The following CDC42BPB variants were observed in gnomAD, a reference collection of about 807,000 sequenced individuals.
The protein encoded by CDC42BPB is serine/threonine-protein kinase MRCK beta.
A neutral mutation model predicts 214.9 loss-of-function variants in CDC42BPB; 37 were observed. The observed-to-expected ratio is 0.17, with a 90% confidence interval of 0.13 to 0.23. The LOEUF (loss-of-function observed/expected upper bound fraction) is 0.23. Ranked by LOEUF, CDC42BPB falls within the 10% of genes least tolerant of loss-of-function variation. The probability of loss-of-function intolerance (pLI) is 1.00; values close to 1 mark genes in which losing one functional copy is unlikely to be tolerated. For missense variants in CDC42BPB, 1,694 were observed against 2,227.0 expected (o/e 0.76, Z 4.82); for synonymous variants, 931 against 884.0 (o/e 1.05, Z -0.94).
At chr14:103,030,897 G>A (rs1004402863) in intron 1 of CDC42BPB, among the ~76,000 whole-genome samples, 4 of 151,934 alleles carry the variant, frequency 2.6e-5, no homozygotes, top group African/African-American at 9.7e-5. Context: ...TGAGACGGGA[G>A]GATGGCTTGA....
chr14:103,055,957 C>G (rs1245721932), intron 1 of CDC42BPB, among the ~76,000 whole-genome samples: 1 of 152,226 alleles, frequency 6.6e-6, no homozygotes, highest in African/African-American at 2.4e-5. Flanking sequence ...CCTGAACATA[C>G]GCATTTCCTC....
At chr14:102,938,689 C>T (rs182769047) in intron 34 of CDC42BPB, 15 of 400,426 alleles carry the variant, frequency 3.7e-5, no homozygotes, top group East Asian at 1.7e-4. Context: ...AGTGCAATGA[C>T]GTGATCTCGG....
At chr14:102,980,327 T>C (rs1034412365) in intron 8 of CDC42BPB, among the ~76,000 whole-genome samples, 6 of 152,314 alleles carry the variant, frequency 3.9e-5, no homozygotes, top group Admixed American at 2.0e-4. Context: ...ACCCCGTCTC[T>C]ACTATAAATA....
Position 102,987,931 on chromosome 14 carries a change from G to A in CDC42BPB, c.597-1351C>T, listed in dbSNP as rs566496673. Among the ~76,000 whole-genome samples the A allele has an allele frequency of 2.0e-4, 31 of 151,668 alleles. 1 individual carries two copies. In the East Asian group the frequency reaches 3.5e-3, roughly 17 times the overall value. On this transcript the variant is annotated intron_variant, in intron 5 of 36. Transcript: ENST00000361246. Reference sequence around the variant, plus strand: ...AGAGGCTGTAGTGAGCTGTGATTGCGCCACTGCACTCCAGCCTGGGCGACA... The same window carrying A: ...AGAGGCTGTAGTGAGCTGTGATTGCACCACTGCACTCCAGCCTGGGCGACA...
chr14:102,966,828 A>G (rs1487098615), intron 17 of CDC42BPB, among the ~76,000 whole-genome samples: 1 of 152,136 alleles, frequency 6.6e-6, no homozygotes, highest in Non-Finnish European at 1.5e-5. Flanking sequence ...GTTTGCCCCA[A>G]GTCCTTCAGT....
At chr14:103,026,308 G>A (rs757439425) in intron 1 of CDC42BPB, among the ~76,000 whole-genome samples, 24 of 151,884 alleles carry the variant, frequency 1.6e-4, no homozygotes, top group Non-Finnish European at 2.5e-4. Context: ...GGAGAATCGC[G>A]TGAACCTGGG....
chr14:103,052,362 T>C (rs1350365726), intron 1 of CDC42BPB, among the ~76,000 whole-genome samples: 3 of 152,252 alleles, frequency 2.0e-5, no homozygotes, highest in Non-Finnish European at 4.4e-5. Context: ...TCCCATGTTA[T>C]GCAAATATTC....
In CDC42BPB at chr14:102,940,553, T is replaced by G. The variant is rs1891846098; in HGVS notation, c.4409-229A>C. The stretch of plus-strand genomic sequence containing the variant: ...AATGCTCCACAATCACTTCCGTAAC[T>G]AATATTTTGAATACTACAGTACAGA... On this transcript the variant is annotated intron_variant, in intron 30 of 36. Transcript: ENST00000361246. The G allele has an allele frequency of 4.9e-6, 6 of 1,232,858 alleles. No individual in the cohort carries two copies. In the Admixed American group the frequency reaches 1.7e-4, roughly 36 times the overall value. 76.4% of individuals were successfully genotyped at this position (1,232,858 alleles called of 1,614,324 possible).
chr14:102,990,279 A>G (rs1894433249), intron 5 of CDC42BPB, among the ~76,000 whole-genome samples: 1 of 152,218 alleles, frequency 6.6e-6, no homozygotes, highest in Non-Finnish European at 1.5e-5. Flanking sequence ...AATCCAAGTG[A>G]CTTATGAACA....
chr14:102,959,314 T>A (rs75207064), intron 21 of CDC42BPB, among the ~76,000 whole-genome samples: 2 of 135,062 alleles, frequency 1.5e-5, no homozygotes, highest in Non-Finnish European at 3.3e-5. Flanking sequence ...AAAAAAAAAA[T>A]ACTCACTACA....
rs1425392018 is a variant in CDC42BPB, at chr14:103,057,046, T to C, written c.128A>G (p.His43Arg). The part of the protein sequence containing the change: ...VLVCLYTECS[H>R]SALRRDKYVA... Reference sequence around the variant, plus strand: ...GTACTTGTCGCGGCGCAGGGCCGAGTGGCTGCACTCGGTGTACAGGCAGAC... The same window carrying C: ...GTACTTGTCGCGGCGCAGGGCCGAGCGGCTGCACTCGGTGTACAGGCAGAC... Residue 43 changes from histidine to arginine, a missense_variant, in exon 1 of 37, where the codon CAC becomes CGC. Transcript: ENST00000361246. The C allele has an allele frequency of 6.6e-7, 1 of 1,519,024 alleles. No individual in the cohort carries two copies. The highest frequency in any genetic ancestry group is 8.8e-7 in the Non-Finnish European group (1 of 1,138,568). The allele number at this position is 1,519,024 out of a possible 1,614,324, so 94.1% of individuals were successfully genotyped here.
At chr14:103,025,384 GAC>G (rs1274572082) in intron 1 of CDC42BPB, among the ~76,000 whole-genome samples, 5 of 151,286 alleles carry the variant, frequency 3.3e-5, no homozygotes, top group Admixed American at 1.3e-4. Context: ...CTACCAAAAA[GAC>G]ACACACAAGA....
intron 5 of CDC42BPB, among the ~76,000 whole-genome samples, chr14:102,987,134 T>C (rs1894280444): frequency 6.6e-6 from 1 of 152,224 alleles, no homozygotes. Flanking sequence ...GGTGGCGATC[T>C]GGGGGAAGAC....
At position 102,976,134 on chromosome 14, in the gene CDC42BPB, T is replaced by C. The variant is rs544847373; in HGVS notation, c.1221-85A>G. On this transcript the variant is annotated intron_variant, in intron 9 of 36. Transcript: ENST00000361246. ...TTTTCAATCTTCCTGAGGTGAAAGA[T>C]AGTCTTTTTAAATCAGCAAACAAAA... The C allele has an allele frequency of 4.9e-4, 757 of 1,548,262 alleles. 1 individual carries two copies. The Middle Eastern group carries it at 4.9e-3, about 10-fold the overall frequency.
intron 7 of CDC42BPB, among the ~76,000 whole-genome samples, chr14:102,981,523 G>A (rs1025990257): frequency 2.0e-5 from 3 of 152,204 alleles, no homozygotes; most frequent in African/African-American, 4.8e-5. Context: ...ACTCACGCCT[G>A]TAATCCCAGC....
rs1423373469 is a variant in CDC42BPB at position 102,968,235 on chromosome 14, G to A, written c.2346+18C>T. 6.3e-7 allele frequency: 1 copy of A among 1,577,290 alleles called. No homozygotes were observed. The highest frequency in any genetic ancestry group is 1.4e-5 in the African/African-American group (1 of 73,998). Reference sequence around the variant, plus strand: ...ACTTCCACACAAAGTGCTAACTCAGGTACTTTGAATTAATTACCTTTTCAT... The same window carrying A: ...ACTTCCACACAAAGTGCTAACTCAGATACTTTGAATTAATTACCTTTTCAT... On this transcript the variant is annotated intron_variant, in intron 16 of 36. Transcript: ENST00000361246.
chr14:103,057,073 A>T lies in CDC42BPB; in HGVS notation c.101T>A (p.Leu34His). 1 of 1,524,580 alleles carries T rather than the reference A, an allele frequency of 6.6e-7. No individual in the cohort carries two copies. The highest frequency in any genetic ancestry group is 8.8e-7 in the Non-Finnish European group (1 of 1,140,924). 94.4% of individuals were successfully genotyped at this position (1,524,580 alleles called of 1,614,324 possible). A position where few individuals can be genotyped will look rare whatever the true frequency, so the allele number is the denominator to read the frequency against. The change falls in exon 1 of 37, where the codon CTC becomes CAC. Residue 34 changes from leucine to histidine, a missense_variant. Coordinates refer to ENST00000361246, the MANE Select transcript of CDC42BPB (RefSeq NM_006035.4). ...ALSVETLLDVLVCLYTECSHS... is the reference protein window; with the variant it reads ...ALSVETLLDVHVCLYTECSHS... ...GCTGCACTCGGTGTACAGGCAGACG[A>T]GCACGTCGAGCAGCGTTTCCACGCT...
chr14:103,014,559 G>A (rs1449514808), intron 1 of CDC42BPB, among the ~76,000 whole-genome samples: 1 of 152,082 alleles, frequency 6.6e-6, no homozygotes, highest in East Asian at 1.9e-4. Flanking sequence ...GACACTTCCT[G>A]GGCTTCTGAC....
intron 4 of CDC42BPB, among the ~76,000 whole-genome samples, chr14:103,002,332 C>T (rs148182841): frequency 4.7e-4 from 71 of 152,338 alleles, no homozygotes; most frequent in Admixed American, 4.2e-3. Flanking sequence ...GGTACGTCTA[C>T]CTGGGCAACT....
Sources: gnomAD v4.1 joint callset for allele counts (sites outside exome capture counted in the v4.1 genomes callset) on GRCh38, gnomAD v4.1.1 for gene constraint, MANE v1.5 for transcripts, NCBI Gene and HGNC (gene_info 2026-07-23, HGNC 2026-07-21) for gene names.